UVRAG: variants seen among roughly 807,000 people sequenced by gnomAD.
UVRAG encodes the protein UV radiation resistance-associated gene protein.
UVRAG carries 19 observed loss-of-function variants against 78.0 expected under a neutral mutation model. That is an observed-to-expected ratio of 0.24 (90% confidence interval 0.17 to 0.36). The LOEUF (loss-of-function observed/expected upper bound fraction) is 0.36, where lower values mean the gene tolerates loss of function less well. Ranked by LOEUF, UVRAG falls within the 10% of genes least tolerant of loss-of-function variation. The pLI, the probability that UVRAG is intolerant of heterozygous loss-of-function variation, is 1.00. For synonymous variants in UVRAG, 323 were observed against 324.6 expected (o/e 1.00, Z 0.05); for missense variants, 740 against 853.8 (o/e 0.87, Z 1.66).
intron 14 of UVRAG, among the ~76,000 whole-genome samples, chr11:76,120,910 G>C (rs567316378): frequency 4.3e-4 from 66 of 152,276 alleles, no homozygotes; most frequent in African/African-American, 1.6e-3. Flanking sequence ...GTTCCTAAGG[G>C]AGGCTCTTAC....
rs770330731 is a variant in UVRAG, at chr11:76,141,400, G to A, written c.2087G>A (p.Ser696Asn). The change falls in exon 15 of 15, where the codon AGT (serine) becomes AAT (asparagine). Residue 696 changes from serine (S) to asparagine (N), a missense_variant. By Grantham distance (46) the Ser-to-Asn change is conservative (BLOSUM62 1). Transcript: ENST00000356136. ...TCCAGCTTCCGCCGGCCGCGCAGGA[G>A]TTCCGATAAGTGAAGTGAGCAGGTC... ...NVSSFRRPRR[S>N]SDK 1.9e-6 allele frequency: 3 copies of A among 1,612,804 alleles called. No homozygotes were observed. The highest frequency in any genetic ancestry group is 2.2e-5 in the South Asian group (2 of 91,016).
At chr11:75,898,613 C>T (rs1428059561) in intron 5 of UVRAG, among the ~76,000 whole-genome samples, 2 of 152,232 alleles carry the variant, frequency 1.3e-5, no homozygotes, top group East Asian at 1.9e-4. Context: ...GCACTTTCTT[C>T]GTTATACTAC....
At chr11:75,824,914 A>C (rs535704701) in intron 1 of UVRAG, among the ~76,000 whole-genome samples, 9 of 151,862 alleles carry the variant, frequency 5.9e-5, no homozygotes, top group Non-Finnish European at 1.2e-4. Flanking sequence ...ACTTCATGAT[A>C]CGCCTGCCTC....
At chr11:76,099,887 A>C (rs1951849286) in intron 13 of UVRAG, among the ~76,000 whole-genome samples, 1 of 152,072 alleles carries the variant, frequency 6.6e-6, no homozygotes, top group Non-Finnish European at 1.5e-5. Flanking sequence ...ATATCTATTA[A>C]AAATGATCAT....
At chr11:75,990,032 T>C in intron 8 of UVRAG, among the ~76,000 whole-genome samples, 1 of 152,222 alleles carries the variant, frequency 6.6e-6, no homozygotes, top group East Asian at 1.9e-4. Context: ...AAATGAGATA[T>C]AATAGGAAAC....
chr11:75,896,348 A>G (rs1947344623), intron 5 of UVRAG, among the ~76,000 whole-genome samples: 2 of 152,224 alleles, frequency 1.3e-5, no homozygotes, highest in South Asian at 2.1e-4. Flanking sequence ...TCAGATCCCT[A>G]TTCAGGATTT....
At chr11:76,132,083 C>T (rs1952522122) in intron 14 of UVRAG, among the ~76,000 whole-genome samples, 2 of 152,250 alleles carry the variant, frequency 1.3e-5, no homozygotes, top group African/African-American at 4.8e-5. Context: ...CCTGTCGTTG[C>T]TCTGCATTAT....
At position 76,115,929 on chromosome 11, in the gene UVRAG, A is replaced by T; in HGVS notation, c.1311A>T (p.Arg437Ser). 6.2e-7 allele frequency: 1 copy of T among 1,613,846 alleles called. No homozygotes were observed. Among genetic ancestry groups the T allele is most frequent in the Non-Finnish European group, 8.5e-7 (1 of 1,179,816 alleles). ...YLLNKNIAQL[R>S]YQHGLGTPDL... Reference sequence around the variant, plus strand: ...CTATTTTTTCACCTTCACAGCTAAGATATCAACATGGACTAGGGACTCCAG... The same window carrying T: ...CTATTTTTTCACCTTCACAGCTAAGTTATCAACATGGACTAGGGACTCCAG... The change falls in exon 14 of 15, where the codon AGA becomes AGT. Residue 437 changes from arginine (R) to serine (S), a missense_variant. Arg to Ser is a moderately radical substitution (Grantham distance 110, BLOSUM62 -1). Coordinates refer to ENST00000356136, the MANE Select transcript of UVRAG (RefSeq NM_003369.4).
rs115476517 is a variant in UVRAG, at chr11:75,915,951, A to G, written c.593+3912A>G. Among the ~76,000 whole-genome samples the G allele has an allele frequency of 8.9e-3, 1,352 of 152,274 alleles. 21 individuals are homozygous for G. Among genetic ancestry groups the G allele is most frequent in the African/African-American group, 0.031 (1,302 of 41,552 alleles). On this transcript the variant is annotated intron_variant, in intron 6 of 14. Coordinates refer to ENST00000356136, the MANE Select transcript of UVRAG (RefSeq NM_003369.4). ...AATGATTTCTGTCTAATCATTTCTT[A>G]ATGTGTCTAATCATATCTAATCTGT...
At chr11:75,848,364 T>C (rs912297345) in intron 1 of UVRAG, among the ~76,000 whole-genome samples, 12 of 152,214 alleles carry the variant, frequency 7.9e-5, no homozygotes, top group Non-Finnish European at 1.6e-4. Flanking sequence ...GCTTTAATTA[T>C]AGTTGGTCAG....
intron 4 of UVRAG, among the ~76,000 whole-genome samples, chr11:75,884,995 T>G (rs574674892): frequency 6.6e-6 from 1 of 151,016 alleles, no homozygotes; most frequent in East Asian, 1.9e-4. Flanking sequence ...ATTGAGTCTT[T>G]CAGTCTATAG....
chr11:75,817,779 C>A (rs1017122960), intron 1 of UVRAG, among the ~76,000 whole-genome samples: 1 of 151,774 alleles, frequency 6.6e-6, no homozygotes, highest in Admixed American at 6.6e-5. Context: ...CGCAGTGGCT[C>A]ACACCTGTAA....
intron 3 of UVRAG, among the ~76,000 whole-genome samples, chr11:75,875,850 C>T (rs1946763343): frequency 6.6e-6 from 1 of 151,876 alleles, no homozygotes; most frequent in Non-Finnish European, 1.5e-5. Context: ...CTGGGCCTGG[C>T]TCTTGAATTA....
chr11:75,834,124 C>T (rs1263655835), intron 1 of UVRAG, among the ~76,000 whole-genome samples: 1 of 152,088 alleles, frequency 6.6e-6, no homozygotes, highest in East Asian at 1.9e-4. Context: ...AGAAATTTTC[C>T]TCCTCCAGTT....
intron 14 of UVRAG, among the ~76,000 whole-genome samples, chr11:76,120,174 G>C (rs1952249743): frequency 6.6e-6 from 1 of 152,202 alleles, no homozygotes; most frequent in Non-Finnish European, 1.5e-5. Context: ...ACCTTGGCTG[G>C]AATGCAAATT....
At chr11:75,895,779 A>T (rs1947331680) in intron 5 of UVRAG, among the ~76,000 whole-genome samples, 1 of 152,132 alleles carries the variant, frequency 6.6e-6, no homozygotes, top group Admixed American at 6.5e-5. Context: ...ACCTGGCCAG[A>T]TACTGCAATC....
intron 12 of UVRAG, among the ~76,000 whole-genome samples, chr11:76,026,296 A>C (rs1398711872): frequency 1.3e-5 from 2 of 152,142 alleles, no homozygotes; most frequent in African/African-American, 2.4e-5. Flanking sequence ...CCTCATTTCT[A>C]TTATTACCTG....
At chr11:75,985,525 C>A (rs1460378061) in intron 8 of UVRAG, among the ~76,000 whole-genome samples, 2 of 151,926 alleles carry the variant, frequency 1.3e-5, no homozygotes, top group African/African-American at 4.8e-5. Flanking sequence ...TTTAATGATA[C>A]CTTTAAATGA....
chr11:75,971,938 G>C (rs1250024695), intron 7 of UVRAG, among the ~76,000 whole-genome samples: 1 of 152,156 alleles, frequency 6.6e-6, no homozygotes, highest in Admixed American at 6.5e-5. Context: ...TAATCTGCCA[G>C]CCTTGGCCTC....
Sources: allele counts gnomAD v4.1 joint callset (sites outside exome capture counted in the v4.1 genomes callset), GRCh38; gene constraint gnomAD v4.1.1; transcripts MANE v1.5; gene names NCBI Gene and HGNC (gene_info 2026-07-23, HGNC 2026-07-21).